The following RNF19A variants were observed in gnomAD, a reference collection of about 807,000 sequenced individuals.
The protein encoded by RNF19A is E3 ubiquitin-protein ligase RNF19A.
Under a neutral mutation model 75.7 loss-of-function variants are expected in RNF19A, and 32 were observed. That is an observed-to-expected ratio of 0.42 (90% confidence interval 0.32 to 0.57). The LOEUF (loss-of-function observed/expected upper bound fraction) is 0.57, where lower values mean the gene tolerates loss of function less well. Among genes scored for constraint, RNF19A ranks in the 20% least tolerant of loss-of-function variants. The pLI, the probability that RNF19A is intolerant of heterozygous loss-of-function variation, is 0.10. For missense variants in RNF19A, 782 were observed against 1,036.3 expected (o/e 0.75, Z 3.37); for synonymous variants, 335 against 345.2 (o/e 0.97, Z 0.33).
chr8:100,281,047 GC>G lies in RNF19A; in HGVS notation c.675-5887del, dbSNP rs563378504. On this transcript the variant is annotated intron_variant, in intron 2 of 9. Transcript: ENST00000341084. ...TAACTGAACATCTCTGACTCAAACA[GC>G]CCCCAGACCTTAGTTTAGTGGTTAG... 3.2e-4 allele frequency among the ~76,000 whole-genome samples: 49 copies of G among 152,228 alleles called. 1 individual carries two copies. Among genetic ancestry groups the G allele is most frequent in the Admixed American group, 1.3e-3 (20 of 15,278 alleles).
In RNF19A at chr8:100,290,222, C is replaced by T. The variant is rs151235464; in HGVS notation, c.-93-1955G>A. On this transcript the variant is annotated intron_variant, in intron 1 of 9. Coordinates refer to ENST00000341084, the MANE Select transcript of RNF19A (RefSeq NM_183419.4). ...CTCCATCTTTTGGGTTCAAGCAATT[C>T]TCCTGCCTCAGCTGGGATTACAGGC... is the stretch of plus-strand genomic sequence containing the variant. Among the ~76,000 whole-genome samples, 8 of 152,292 alleles carry T rather than the reference C, an allele frequency of 5.3e-5. No individual in the cohort carries two copies. In the East Asian group the frequency reaches 1.5e-3, roughly 29 times the overall value.
At chr8:100,304,894 T>C (rs772378148) in intron 1 of RNF19A, among the ~76,000 whole-genome samples, 1 of 152,212 alleles carries the variant, frequency 6.6e-6, no homozygotes, top group Non-Finnish European at 1.5e-5. Context: ...TTCAAAGGCA[T>C]AATTAACTTA....
chr8:100,271,522 TAA>T (rs1483637844), intron 3 of RNF19A, among the ~76,000 whole-genome samples: 2 of 152,034 alleles, frequency 1.3e-5, no homozygotes, highest in Admixed American at 1.3e-4. Context: ...GACAGGGGAG[TAA>T]AAAGACTCAA....
chr8:100,264,450 G>A lies in RNF19A; in HGVS notation c.1306+221C>T. 5.1e-6 allele frequency: 3 copies of A among 582,976 alleles called. No homozygotes were observed. The highest frequency in any genetic ancestry group is 2.3e-5 in the South Asian group (1 of 44,126). 36.1% of individuals were successfully genotyped at this position (582,976 alleles called of 1,614,324 possible). A position where few individuals can be genotyped will look rare whatever the true frequency, so the allele number is the denominator to read the frequency against. On this transcript the variant is annotated intron_variant, in intron 6 of 9. Coordinates refer to ENST00000341084, the MANE Select transcript of RNF19A (RefSeq NM_183419.4). This position sits in a 1 kb window ranked among gnomAD's most constrained non-coding sequence, Gnocchi z 4.7. ...TTTTCTTTTGAAGTGCCAGGCCTCC[G>A]AACTGTACTTGGGGTGGAGTGGGGA...
chr8:100,320,520 T>C (rs1290681929), intron 1 of RNF19A, among the ~76,000 whole-genome samples: 4 of 152,202 alleles, frequency 2.6e-5, no homozygotes, highest in Non-Finnish European at 5.9e-5. Flanking sequence ...TGATTATACT[T>C]GTAGGTGCTA....
intron 1 of RNF19A, among the ~76,000 whole-genome samples, chr8:100,334,269 A>T (rs900623248): frequency 3.3e-5 from 5 of 152,202 alleles, no homozygotes; most frequent in African/African-American, 1.2e-4. Flanking sequence ...TGACTTTTCA[A>T]CTATTTTGAA....
chr8:100,264,598 TA>T lies in RNF19A; in HGVS notation c.1306+72del, dbSNP rs1036163632. On this transcript the variant is annotated intron_variant, in intron 6 of 9. Coordinates refer to ENST00000341084, the MANE Select transcript of RNF19A (RefSeq NM_183419.4). This position sits in a 1 kb window ranked among gnomAD's most constrained non-coding sequence, Gnocchi z 4.7. The stretch of plus-strand genomic sequence containing the variant: ...AATTGTCCTCAAATTAAAAAACAAT[TA>T]AAAAAAATCCTTCCACAAAACTTTA... 62 of 995,946 alleles carry T rather than the reference TA, an allele frequency of 6.2e-5. No individual in the cohort carries two copies. The highest frequency in any genetic ancestry group is 4.0e-4 in the Admixed American group (18 of 44,654). The allele number at this position is 995,946 out of a possible 1,614,324, so 61.7% of individuals were successfully genotyped here. A position where few individuals can be genotyped will look rare whatever the true frequency, so the allele number is the denominator to read the frequency against.
At position 100,259,341 on chromosome 8, in the gene RNF19A, T is replaced by C. The variant is rs1206796087; in HGVS notation, c.1827-95A>G. Reference sequence around the variant, plus strand: ...GTTTCTATGTGGAAAATTCAGACTATATATAAGCTATGAGAACACCTTAAC... The same window carrying C: ...GTTTCTATGTGGAAAATTCAGACTACATATAAGCTATGAGAACACCTTAAC... On this transcript the variant is annotated intron_variant, in intron 9 of 9. Transcript: ENST00000341084. The surrounding 1 kb of genome is among the most constrained non-coding windows in gnomAD (Gnocchi z 4.5). 2.1e-6 allele frequency: 2 copies of C among 947,356 alleles called. No homozygotes were observed. Among genetic ancestry groups the C allele is most frequent in the African/African-American group, 1.7e-5 (1 of 59,632 alleles). The allele number at this position is 947,356 out of a possible 1,614,324, so 58.7% of individuals were successfully genotyped here.
intron 1 of RNF19A, among the ~76,000 whole-genome samples, chr8:100,326,996 A>G (rs1822542117): frequency 6.6e-6 from 1 of 152,196 alleles, no homozygotes; most frequent in Admixed American, 6.5e-5. Context: ...AAACGTTCTG[A>G]TTAACAGTTC....
chr8:100,307,645 C>T (rs1307638183), intron 1 of RNF19A, among the ~76,000 whole-genome samples: 1 of 151,774 alleles, frequency 6.6e-6, no homozygotes, highest in Non-Finnish European at 1.5e-5. Context: ...TTTTAATTAC[C>T]CATATTTAAT....
chr8:100,291,950 C>G (rs199908526), intron 1 of RNF19A, among the ~76,000 whole-genome samples: 6 of 80,080 alleles, frequency 7.5e-5, no homozygotes, highest in African/African-American at 3.5e-4. Flanking sequence ...CACTGTTGAA[C>G]AGAAAGAGGA....
At chr8:100,292,894 T>C (rs1821375312) in intron 1 of RNF19A, among the ~76,000 whole-genome samples, 1 of 152,216 alleles carries the variant, frequency 6.6e-6, no homozygotes, top group Non-Finnish European at 1.5e-5. Context: ...TACTTTCTGG[T>C]ACTTTTCAAT....
At position 100,269,718 on chromosome 8, in the gene RNF19A, T is replaced by C. The variant is rs1307735295; in HGVS notation, c.1028+151A>G. The C allele has an allele frequency of 1.5e-5, 8 of 519,248 alleles. No individual in the cohort carries two copies. The highest frequency in any genetic ancestry group is 9.7e-6 in the Non-Finnish European group (3 of 308,084). 32.2% of individuals were successfully genotyped at this position (519,248 alleles called of 1,614,324 possible). On this transcript the variant is annotated intron_variant, in intron 4 of 9. Transcript: ENST00000341084. This position sits in a 1 kb window ranked among gnomAD's most constrained non-coding sequence, Gnocchi z 5.7. Reference sequence around the variant, plus strand: ...TGACTAGTTATTAATTCCAAATGACTAGCATAATAACTTGGTTTCTTTTAA... The same window carrying C: ...TGACTAGTTATTAATTCCAAATGACCAGCATAATAACTTGGTTTCTTTTAA...
In RNF19A at chr8:100,258,009, T is replaced by A. The variant is rs1819533172; in HGVS notation, c.*547A>T. 3 of 398,650 alleles carry A rather than the reference T, an allele frequency of 7.5e-6. No homozygotes were observed. The highest frequency in any genetic ancestry group is 1.3e-5 in the Non-Finnish European group (3 of 225,960). The allele number at this position is 398,650 out of a possible 1,614,324, so 24.7% of individuals were successfully genotyped here. The stretch of plus-strand genomic sequence containing the variant: ...TCAAAGTGTCTAAGTATCCAAATGG[T>A]AGCAAATGAGCTGCATTAAGCTTTA... On this transcript the variant is annotated 3_prime_UTR_variant, in exon 10 of 10. Coordinates refer to ENST00000341084, the MANE Select transcript of RNF19A (RefSeq NM_183419.4). The surrounding 1 kb of genome is among the most constrained non-coding windows in gnomAD (Gnocchi z 4.3).
chr8:100,258,494 T>C lies in RNF19A; in HGVS notation c.*62A>G, dbSNP rs940036384. On this transcript the variant is annotated 3_prime_UTR_variant, in exon 10 of 10. Coordinates refer to ENST00000341084, the MANE Select transcript of RNF19A (RefSeq NM_183419.4). The surrounding 1 kb of genome is among the most constrained non-coding windows in gnomAD (Gnocchi z 4.3). ...GTAACCTGAAACTTAAGTAGTCACA[T>C]GTAGTTCAACCAGCTCCAAACACGG... 307 of 1,340,518 alleles carry C rather than the reference T, an allele frequency of 2.3e-4. No individual in the cohort carries two copies. Among genetic ancestry groups the C allele is most frequent in the Non-Finnish European group, 2.9e-4 (282 of 968,192 alleles). The allele number at this position is 1,340,518 out of a possible 1,614,324, so 83.0% of individuals were successfully genotyped here. A position where few individuals can be genotyped will look rare whatever the true frequency, so the allele number is the denominator to read the frequency against.
chr8:100,287,799 T>C lies in RNF19A; in HGVS notation c.376A>G (p.Ile126Val). The C allele has an allele frequency of 6.2e-7, 1 of 1,614,186 alleles. No individual in the cohort carries two copies. Among genetic ancestry groups the C allele is most frequent in the Non-Finnish European group, 8.5e-7 (1 of 1,180,024 alleles). ...AAAGGGCACTCTATGAAGTCTCCAA[T>C]TTGTTTGCTGATGGAAGTTAATCCA... is the stretch of plus-strand genomic sequence containing the variant. ...DNGLTSISKQ[I>V]GDFIECPLCL... is the part of the protein sequence containing the mutation. Residue 126 changes from isoleucine (I) to valine (V), a missense_variant, in exon 2 of 10, where the codon ATT (isoleucine) becomes GTT (valine). Around this residue, in one of 7 missense-constraint regions of RNF19A, gnomAD observed 148 missense variants for 147.9 expected, o/e 1.00. Transcript: ENST00000341084. The surrounding 1 kb of genome is among the most constrained non-coding windows in gnomAD (Gnocchi z 4.1).
Position 100,298,003 on chromosome 8 carries a change from T to C in RNF19A, c.-93-9736A>G, listed in dbSNP as rs1158944365. ...ATTAACTATGTGACATTGGGTTAAA[T>C]TACTAAGACTCAGTTTCTTCAATTA... On this transcript the variant is annotated intron_variant, in intron 1 of 9. Coordinates refer to ENST00000341084, the MANE Select transcript of RNF19A (RefSeq NM_183419.4). Among the ~76,000 whole-genome samples, 5 of 152,278 alleles carry C rather than the reference T, an allele frequency of 3.3e-5. No individual in the cohort carries two copies. In the East Asian group the frequency reaches 5.8e-4, roughly 18 times the overall value.
intron 5 of RNF19A, among the ~76,000 whole-genome samples, chr8:100,268,406 T>C (rs924606946): frequency 2.0e-5 from 3 of 152,154 alleles, no homozygotes; most frequent in Non-Finnish European, 2.9e-5. Context: ...TAATTATTCT[T>C]TGCCTGAGGG....
rs1819523320 is a variant in RNF19A at position 100,257,770 on chromosome 8, G to A, written c.*786C>T. 2 of 364,100 alleles carry A rather than the reference G, an allele frequency of 5.5e-6. No homozygotes were observed. Among genetic ancestry groups the A allele is most frequent in the East Asian group, 8.0e-5 (2 of 25,068 alleles). The allele number at this position is 364,100 out of a possible 1,614,324, so 22.6% of individuals were successfully genotyped here. ...ATCCCAAAGGCACCAAGAATCAATG[G>A]GGTACAAACTTCCCCTTAGAGAAAG... On this transcript the variant is annotated 3_prime_UTR_variant, in exon 10 of 10. Transcript: ENST00000341084.
Sources: gnomAD v4.1 joint callset for allele counts (sites outside exome capture counted in the v4.1 genomes callset) on GRCh38, gnomAD v4.1.1 for gene constraint, gnomAD v4.1.1 regional missense constraint, Gnocchi (gnomAD v3.1) non-coding constraint, MANE v1.5 for transcripts, NCBI Gene and HGNC (gene_info 2026-07-23, HGNC 2026-07-21) for gene names.